The following RALGPS2 variants were observed in gnomAD, a reference collection of about 807,000 sequenced individuals.
RALGPS2 encodes ras-specific guanine nucleotide-releasing factor RalGPS2.
Under a neutral mutation model 86.8 loss-of-function variants are expected in RALGPS2, and 43 were observed. The ratio of observed to expected loss-of-function variants is 0.50; its 90% CI spans 0.39 to 0.64. The LOEUF is 0.64. RALGPS2 is among the 30% of genes least tolerant of loss of function. The pLI, the probability that RALGPS2 is intolerant of heterozygous loss-of-function variation, is 0.00. For synonymous variants in RALGPS2, 243 were observed against 231.3 expected (o/e 1.05, Z -0.46); for missense variants, 536 against 694.6 (o/e 0.77, Z 2.57).
At chr1:178,886,422 G>T (rs990767071) in intron 13 of RALGPS2, among the ~76,000 whole-genome samples, 1 of 152,110 alleles carries the variant, frequency 6.6e-6, no homozygotes. Context: ...AATGACTTCC[G>T]GTTATTTGGG....
chr1:178,863,681 G>A (rs1269651507), intron 8 of RALGPS2, among the ~76,000 whole-genome samples: 1 of 151,918 alleles, frequency 6.6e-6, no homozygotes, highest in Non-Finnish European at 1.5e-5. Context: ...TCTGAGCAGT[G>A]GTGATACTTG....
Position 178,861,467 on chromosome 1 carries a change from A to G in RALGPS2, c.608-16031A>G, listed in dbSNP as rs79976173. Among the ~76,000 whole-genome samples, 1,288 of 151,418 alleles carry G rather than the reference A, an allele frequency of 8.5e-3. 14 individuals are homozygous for G. Among genetic ancestry groups the G allele is most frequent in the African/African-American group, 0.029 (1,200 of 41,328 alleles). Reference sequence around the variant, plus strand: ...ATTCGTGGGTTTTTTTTTTTGTACTAATGCTAAGTGTATAATAAAACATAG... The same window carrying G: ...ATTCGTGGGTTTTTTTTTTTGTACTGATGCTAAGTGTATAATAAAACATAG... On this transcript the variant is annotated intron_variant, in intron 8 of 19. Coordinates refer to ENST00000367635, the MANE Select transcript of RALGPS2 (RefSeq NM_152663.5).
At chr1:178,831,140 A>G (rs1475271917) in intron 7 of RALGPS2, among the ~76,000 whole-genome samples, 1 of 152,228 alleles carries the variant, frequency 6.6e-6, no homozygotes, top group Non-Finnish European at 1.5e-5. Flanking sequence ...CAGAACATTC[A>G]GAGTAGTGGT....
At chr1:178,745,793 T>A (rs1231303850) in intron 1 of RALGPS2, among the ~76,000 whole-genome samples, 2 of 150,940 alleles carry the variant, frequency 1.3e-5, no homozygotes, top group African/African-American at 4.9e-5. Context: ...AAATTGAAAA[T>A]GTGCTATTCA....
chr1:178,865,647 C>G (rs1204157222), intron 8 of RALGPS2: 3 of 1,614,028 alleles, frequency 1.9e-6, no homozygotes, highest in South Asian at 2.2e-5. Flanking sequence ...TTTGCTTCCT[C>G]TTTACCATCT....
intron 7 of RALGPS2, among the ~76,000 whole-genome samples, chr1:178,826,509 A>G (rs1191528787): frequency 6.6e-6 from 1 of 152,190 alleles, no homozygotes; most frequent in Non-Finnish European, 1.5e-5. Flanking sequence ...AGAGTAATCA[A>G]ATTCATACAG....
intron 8 of RALGPS2, among the ~76,000 whole-genome samples, chr1:178,861,798 ATT>A (rs1181862787): frequency 6.6e-6 from 1 of 152,076 alleles, no homozygotes; most frequent in African/African-American, 2.4e-5. Flanking sequence ...TCTGTTTTTT[ATT>A]TCTATACCCA....
At chr1:178,846,328 A>G (rs1396929331) in intron 8 of RALGPS2, among the ~76,000 whole-genome samples, 1 of 152,138 alleles carries the variant, frequency 6.6e-6, no homozygotes, top group South Asian at 2.1e-4. Context: ...TGTCAATAAT[A>G]TACATTATGG....
At chr1:178,887,128 A>C (rs1179275183) in intron 13 of RALGPS2, among the ~76,000 whole-genome samples, 1 of 152,224 alleles carries the variant, frequency 6.6e-6, no homozygotes, top group Non-Finnish European at 1.5e-5. Flanking sequence ...TGAGTCTTCT[A>C]GATGAGCATT....
intron 19 of RALGPS2, among the ~76,000 whole-genome samples, chr1:178,912,706 A>G (rs934571038): frequency 6.6e-6 from 1 of 151,994 alleles, no homozygotes; most frequent in Non-Finnish European, 1.5e-5. Context: ...GAATTTCTTG[A>G]GTTTGCACAT....
chr1:178,751,692 A>G (rs935554192), intron 1 of RALGPS2, among the ~76,000 whole-genome samples: 9 of 152,186 alleles, frequency 5.9e-5, no homozygotes, highest in Non-Finnish European at 1.0e-4. Context: ...TCCGGAACTT[A>G]TGCAGGAAGG....
intron 6 of RALGPS2, among the ~76,000 whole-genome samples, chr1:178,817,367 AAAAAG>A (rs945706812): frequency 1.5e-4 from 23 of 150,862 alleles, no homozygotes; most frequent in Admixed American, 4.6e-4. Context: ...AAAAAAAAAA[AAAAAG>A]AATATCTAAT....
intron 8 of RALGPS2, among the ~76,000 whole-genome samples, chr1:178,871,748 C>T (rs1658771427): frequency 6.6e-6 from 1 of 152,156 alleles, no homozygotes; most frequent in South Asian, 2.1e-4. Flanking sequence ...TGTAAAAGGT[C>T]ATTCTTGTTA....
chr1:178,865,524 G>A lies in RALGPS2; in HGVS notation c.608-11974G>A, dbSNP rs568418711. The A allele has an allele frequency of 2.5e-6, 4 of 1,614,062 alleles. No individual in the cohort carries two copies. In the South Asian group the frequency reaches 3.3e-5, roughly 13 times the overall value. On this transcript the variant is annotated intron_variant, in intron 8 of 19. Transcript: ENST00000367635. The stretch of plus-strand genomic sequence containing the variant: ...GAGAGCACATCCTTCAGGTTTTCAA[G>A]GTCCATCCTGGTGATCATGTCTTTA...
At chr1:178,785,948 C>A (rs1465646783) in intron 4 of RALGPS2, among the ~76,000 whole-genome samples, 2 of 152,054 alleles carry the variant, frequency 1.3e-5, no homozygotes, top group South Asian at 2.1e-4. Context: ...CATAAACAAT[C>A]AACTAACACA....
chr1:178,839,035 A>C (rs1656440047), intron 8 of RALGPS2, among the ~76,000 whole-genome samples: 1 of 152,250 alleles, frequency 6.6e-6, no homozygotes, highest in African/African-American at 2.4e-5. Context: ...CCTGCGTCTG[A>C]TTGGTATACC....
chr1:178,728,233 C>T (rs867648866), intron 1 of RALGPS2, among the ~76,000 whole-genome samples: 3 of 151,968 alleles, frequency 2.0e-5, no homozygotes, highest in South Asian at 2.1e-4. Context: ...AAAATATCAC[C>T]TTTTTATTTC....
Position 178,808,043 on chromosome 1 carries a change from A to C in RALGPS2, c.214-2A>C. Reference sequence around the variant, plus strand: ...AATTTAATTTTCACCTTAATTTTCCAGGAGCTTTCAAGTTGTGGATGGAAT... The same window carrying C: ...AATTTAATTTTCACCTTAATTTTCCCGGAGCTTTCAAGTTGTGGATGGAAT... On this transcript the variant is annotated splice_acceptor_variant, in intron 4 of 19. Coordinates refer to ENST00000367635, the MANE Select transcript of RALGPS2 (RefSeq NM_152663.5). LOFTEE classifies it high-confidence loss of function. 1.3e-6 allele frequency: 2 copies of C among 1,597,188 alleles called. No homozygotes were observed. Among genetic ancestry groups the C allele is most frequent in the Non-Finnish European group, 1.7e-6 (2 of 1,165,874 alleles).
intron 1 of RALGPS2, chr1:178,747,694 G>A (rs4651004): frequency 0.29 from 419,254 of 1,448,288 alleles, 64,391 homozygotes; most frequent in Non-Finnish European, 0.32. Context: ...ATCAAGTACA[G>A]CAGCTGCCAG....
Sources: gnomAD v4.1 joint callset for allele counts (sites outside exome capture counted in the v4.1 genomes callset) on GRCh38, gnomAD v4.1.1 for gene constraint, MANE v1.5 for transcripts, NCBI Gene and HGNC (gene_info 2026-07-23, HGNC 2026-07-21) for gene names.